Variants in VAT1L observed in about 807,000 individuals in gnomAD.
VAT1L encodes the protein putative NADPH-dependent quinone oxidoreductase VAT1L.
A neutral mutation model predicts 44.1 loss-of-function variants in VAT1L; 34 were observed. That is an observed-to-expected ratio of 0.77 (90% CI 0.59 to 1.03). VAT1L has a LOEUF of 1.03. Ranked by LOEUF, VAT1L falls within the 50% of genes least tolerant of loss-of-function variation. The pLI, the probability that VAT1L is intolerant of heterozygous loss-of-function variation, is 0.00. For missense variants in VAT1L, 615 were observed against 538.8 expected (o/e 1.14, Z -1.40); for synonymous variants, 253 against 202.2 (o/e 1.25, Z -2.13).
chr16:77,941,439 AC>A (rs1412021314), intron 7 of VAT1L, among the ~76,000 whole-genome samples: 1 of 152,160 alleles, frequency 6.6e-6, no homozygotes, highest in Non-Finnish European at 1.5e-5. Flanking sequence ...AAATCTTCCC[AC>A]CATGGCTGAT....
intron 3 of VAT1L, 49 bp downstream of exon 3, chr16:77,825,510 A>T: frequency 1.9e-6 from 3 of 1,545,104 alleles, no homozygotes; most frequent in African/African-American, 2.7e-5. Flanking sequence ...TGATGGTGGA[A>T]GTGGAGTGAC....
chr16:77,942,417 C>T (rs1459672861), intron 7 of VAT1L, among the ~76,000 whole-genome samples: 2 of 151,400 alleles, frequency 1.3e-5, no homozygotes, highest in Non-Finnish European at 2.9e-5. Flanking sequence ...CACAGCCACA[C>T]CATATCAATC....
chr16:77,839,319 A>G (rs945220412), intron 3 of VAT1L, among the ~76,000 whole-genome samples: 2 of 151,884 alleles, frequency 1.3e-5, no homozygotes, highest in Non-Finnish European at 2.9e-5. Flanking sequence ...GCAGATCACG[A>G]GGTCAGGAGA....
intron 7 of VAT1L, among the ~76,000 whole-genome samples, chr16:77,894,328 C>T (rs2017298726): frequency 6.6e-6 from 1 of 152,184 alleles, no homozygotes; most frequent in South Asian, 2.1e-4. Flanking sequence ...TGGGTTTGGC[C>T]CAGGCTCATT....
rs1222396828 is a variant in VAT1L, at chr16:77,831,294, AAATGGTAAG to A, written c.579+5836_579+5844del. Among the ~76,000 whole-genome samples the A allele has an allele frequency of 8.5e-5, 13 of 152,346 alleles. No homozygotes were observed. In the South Asian group the frequency reaches 2.7e-3, roughly 32 times the overall value. On this transcript the variant is annotated intron_variant, in intron 3 of 8. Transcript: ENST00000302536. ...GCAGACTACTTGACATATAGTCTAT[AAATGGTAAG>A]AAGAGAGGAGATGAGGCAGAGAAGA...
intron 7 of VAT1L, among the ~76,000 whole-genome samples, chr16:77,893,298 C>T (rs1353187354): frequency 2.0e-5 from 3 of 152,144 alleles, no homozygotes; most frequent in Non-Finnish European, 2.9e-5. Flanking sequence ...AGAATAAACC[C>T]ATCTCAGCCA....
chr16:77,939,186 A>G (rs754519713), intron 7 of VAT1L, among the ~76,000 whole-genome samples: 15 of 152,218 alleles, frequency 9.9e-5, no homozygotes, highest in Admixed American at 2.0e-4. Flanking sequence ...AACTCTGGGA[A>G]AATGCTTGTT....
intron 7 of VAT1L, among the ~76,000 whole-genome samples, chr16:77,952,855 T>TAA (rs61033802): frequency 6.5e-5 from 6 of 92,208 alleles, no homozygotes; most frequent in African/African-American, 2.2e-4. Context: ...AGACTCCATT[T>TAA]AAAAAAAAAA....
chr16:77,851,208 A>C (rs1411225460), intron 3 of VAT1L, among the ~76,000 whole-genome samples: 1 of 152,226 alleles, frequency 6.6e-6, no homozygotes, highest in African/African-American at 2.4e-5. Context: ...AGGGTAGAGC[A>C]GGGGCAGCTA....
chr16:77,928,802 A>T (rs1340936406), intron 7 of VAT1L, among the ~76,000 whole-genome samples: 2 of 151,706 alleles, frequency 1.3e-5, no homozygotes, highest in African/African-American at 4.8e-5. Context: ...TCACTGTGCC[A>T]GTATGCTCTA....
chr16:77,877,379 G>A (rs1446185536), intron 5 of VAT1L, among the ~76,000 whole-genome samples: 2 of 151,716 alleles, frequency 1.3e-5, no homozygotes, highest in African/African-American at 2.4e-5. Context: ...GCATGGTGGC[G>A]GGCGCCTGTA....
At chr16:77,803,417 CT>C (rs11379202) in intron 1 of VAT1L, among the ~76,000 whole-genome samples, 6,522 of 105,306 alleles carry the variant, frequency 0.062, 160 homozygotes, top group African/African-American at 0.15. Flanking sequence ...ACTAGACATT[CT>C]TTTTTTTTTT....
chr16:77,798,222 G>A (rs2015973448), intron 1 of VAT1L, among the ~76,000 whole-genome samples: 1 of 152,174 alleles, frequency 6.6e-6, no homozygotes, highest in Non-Finnish European at 1.5e-5. Context: ...TATCTTCTGA[G>A]CCAGGGATGA....
intron 7 of VAT1L, among the ~76,000 whole-genome samples, chr16:77,925,982 GC>G (rs1221617902): frequency 5.3e-5 from 8 of 152,278 alleles, no homozygotes; most frequent in African/African-American, 1.9e-4. Context: ...AGGAGTCGGG[GC>G]CGGGTGCGGT....
At chr16:77,840,557 G>T (rs2016693923) in intron 3 of VAT1L, among the ~76,000 whole-genome samples, 1 of 152,078 alleles carries the variant, frequency 6.6e-6, no homozygotes, top group African/African-American at 2.4e-5. Context: ...CATAAAATCT[G>T]TCTGGTATTC....
intron 3 of VAT1L, among the ~76,000 whole-genome samples, chr16:77,858,078 T>TGGGCACAGGAGCAGAGGGCCGGTGG (rs1461384398): frequency 6.6e-6 from 1 of 152,170 alleles, no homozygotes; most frequent in Admixed American, 6.5e-5. Flanking sequence ...GGTTCTGCAC[T>TGGGCACAGGAGCAGAGGGCCGGTGG]GGGCACAGGA....
At chr16:77,902,711 T>G (rs896157858) in intron 7 of VAT1L, among the ~76,000 whole-genome samples, 10 of 16,854 alleles carry the variant, frequency 5.9e-4, no homozygotes, top group African/African-American at 1.8e-3. Context: ...ATCCCAGCAC[T>G]TTGGGAGGCC....
At chr16:77,811,463 C>T (rs2966059) in intron 1 of VAT1L, among the ~76,000 whole-genome samples, 2 of 152,110 alleles carry the variant, frequency 1.3e-5, no homozygotes, top group Non-Finnish European at 2.9e-5. Context: ...GAAGACACAG[C>T]GGCCTACCAT....
chr16:77,906,103 T>TA (rs2017433958), intron 7 of VAT1L, among the ~76,000 whole-genome samples: 1 of 152,202 alleles, frequency 6.6e-6, no homozygotes, highest in South Asian at 2.1e-4. Context: ...CAGATGTGCT[T>TA]AAAAGTTCTT....
Sources: allele counts gnomAD v4.1 joint callset (sites outside exome capture counted in the v4.1 genomes callset), GRCh38; gene constraint gnomAD v4.1.1; transcripts MANE v1.5; gene names NCBI Gene and HGNC (gene_info 2026-07-23, HGNC 2026-07-21).